DRC9: variants seen among roughly 807,000 people sequenced by gnomAD.
DRC9 encodes the protein dynein regulatory complex subunit 9, also known as dynein regulatory complex protein 9.
At chr3:197,912,772 G>GTA in the DRC9 span, 1 of 1,589,428 alleles carries the variant, frequency 6.3e-7, no homozygotes, top group Non-Finnish European at 8.6e-7. Context: ...TCAGATACCA[G>GTA]TACGTCTTCC....
the DRC9 span, chr3:197,955,736 T>C: frequency 5.0e-6 from 8 of 1,596,582 alleles, no homozygotes; most frequent in African/African-American, 9.4e-5. Flanking sequence ...TTTTGTGTTC[T>C]TTTTTCCCTG....
chr3:197,931,752 G>A, the DRC9 span, among the ~76,000 whole-genome samples: 2 of 151,830 alleles, frequency 1.3e-5, no homozygotes, highest in Non-Finnish European at 2.9e-5. Flanking sequence ...GGCCTCCCAA[G>A]TAGCTGGGAC....
chr3:197,892,895 T>C, the DRC9 span: 1 of 1,113,146 alleles, frequency 9.0e-7, no homozygotes. Flanking sequence ...GTTACTTACC[T>C]GGGTGGAGAG....
chr3:197,955,089 A>G, the DRC9 span, among the ~76,000 whole-genome samples: 1 of 151,932 alleles, frequency 6.6e-6, no homozygotes, highest in Non-Finnish European at 1.5e-5. Flanking sequence ...TTTAGGGTCC[A>G]TTTTGGAATG....
At chr3:197,905,799 G>A in the DRC9 span, among the ~76,000 whole-genome samples, 1 of 151,854 alleles carries the variant, frequency 6.6e-6, no homozygotes, top group Non-Finnish European at 1.5e-5. Context: ...AGAATTTGAA[G>A]ATGACTCAAC....
the DRC9 span, among the ~76,000 whole-genome samples, chr3:197,943,005 T>C: frequency 3.7e-3 from 571 of 152,270 alleles, 6 homozygotes; most frequent in African/African-American, 0.013. Context: ...ACCTACAACC[T>C]AAGTTACTGA....
the DRC9 span, among the ~76,000 whole-genome samples, chr3:197,927,580 C>T: frequency 2.0e-5 from 3 of 152,010 alleles, no homozygotes; most frequent in Non-Finnish European, 4.4e-5. Context: ...ATTGTCATTG[C>T]CAAAACAAAC....
the DRC9 span, among the ~76,000 whole-genome samples, chr3:197,946,841 A>T: frequency 6.6e-6 from 1 of 151,364 alleles, no homozygotes; most frequent in African/African-American, 2.4e-5. Context: ...TTTTTTTTTG[A>T]GATGGAGTTT....
chr3:197,906,525 C>T, the DRC9 span: 1 of 151,946 alleles, frequency 6.6e-6, no homozygotes, highest in African/African-American at 2.4e-5. Context: ...GTATCTGTCA[C>T]CTAACCACCA....
At chr3:197,926,672 C>A in the DRC9 span, among the ~76,000 whole-genome samples, 2 of 152,140 alleles carry the variant, frequency 1.3e-5, no homozygotes, top group Non-Finnish European at 2.9e-5. Context: ...TGCCCACAGA[C>A]TGCTCCCATC....
At chr3:197,898,350 A>G in the DRC9 span, among the ~76,000 whole-genome samples, 3 of 152,252 alleles carry the variant, frequency 2.0e-5, no homozygotes, top group African/African-American at 7.2e-5. Context: ...GTACTCAGAA[A>G]ATATATTGGT....
chr3:197,954,567 T>C, the DRC9 span: 1 of 289,150 alleles, frequency 3.5e-6, no homozygotes, highest in Non-Finnish European at 6.7e-6. Context: ...TGGAGTGCAG[T>C]GGCATGATCT....
the DRC9 span, among the ~76,000 whole-genome samples, chr3:197,903,042 C>G: frequency 6.6e-6 from 1 of 152,124 alleles, no homozygotes; most frequent in Admixed American, 6.5e-5. Context: ...ACACTGAATT[C>G]ATTTTTGACA....
the DRC9 span, among the ~76,000 whole-genome samples, chr3:197,935,390 G>T: frequency 6.6e-6 from 1 of 150,812 alleles, no homozygotes; most frequent in South Asian, 2.1e-4. Context: ...CGTGAGCCGG[G>T]ATTGCGCCAC....
chr3:197,933,109 A>T, the DRC9 span, among the ~76,000 whole-genome samples: 18 of 126,322 alleles, frequency 1.4e-4, no homozygotes, highest in East Asian at 6.4e-4. Flanking sequence ...TATATATATA[A>T]AATACATATA....
At chr3:197,929,932 AAAAAC>A in the DRC9 span, among the ~76,000 whole-genome samples, 1 of 152,112 alleles carries the variant, frequency 6.6e-6, no homozygotes, top group Non-Finnish European at 1.5e-5. The surrounding 1 kb of genome is among the most constrained non-coding windows in gnomAD (Gnocchi z 4.6). Flanking sequence ...ACTCTGTCTC[AAAAAC>A]AAAACAAAAC....
chr3:197,955,723 ATGTTTTG>A, the DRC9 span: 2 of 1,578,334 alleles, frequency 1.3e-6, no homozygotes, highest in African/African-American at 2.7e-5. Context: ...CATTCACCTA[ATGTTTTG>A]TGTTCTTTTT....
chr3:197,932,957 T>TTA, the DRC9 span, among the ~76,000 whole-genome samples: 1 of 135,440 alleles, frequency 7.4e-6, no homozygotes, highest in Non-Finnish European at 1.5e-5. Flanking sequence ...ATATTATATA[T>TTA]TATTATATAT....
chr3:197,899,910 C>T, the DRC9 span, among the ~76,000 whole-genome samples: 1 of 152,348 alleles, frequency 6.6e-6, no homozygotes, highest in Admixed American at 6.5e-5. Flanking sequence ...TGACGACACT[C>T]TCCACCCCCT....
Sources: allele counts gnomAD v4.1 joint callset (sites outside exome capture counted in the v4.1 genomes callset), GRCh38; gene constraint gnomAD v4.1.1; non-coding constraint Gnocchi (gnomAD v3.1); transcripts MANE v1.5; gene names NCBI Gene and HGNC (gene_info 2026-07-23, HGNC 2026-07-21).